TPD52L1: variants seen among roughly 807,000 people sequenced by gnomAD.
TPD52L1 encodes tumor protein D53.
In TPD52L1, 18 loss-of-function variants were observed where a neutral mutation model predicts 28.7. The ratio of observed to expected loss-of-function variants is 0.63; its 90% CI spans 0.43 to 0.93. The LOEUF is 0.93. Ranked by LOEUF, TPD52L1 falls within the 40% of genes least tolerant of loss-of-function variation. TPD52L1 has a pLI of 0.00. For synonymous variants in TPD52L1, 75 were observed against 88.8 expected (o/e 0.84, Z 0.88); for missense variants, 203 against 254.8 (o/e 0.80, Z 1.39).
At chr6:125,238,504 C>G (rs755806828) in intron 3 of TPD52L1, among the ~76,000 whole-genome samples, 5 of 151,846 alleles carry the variant, frequency 3.3e-5, no homozygotes, top group African/African-American at 1.2e-4. Context: ...TCCCTCACCC[C>G]CCTCGAACCC....
At chr6:125,252,670 G>A (rs1188378405) in intron 4 of TPD52L1, 2 of 152,088 alleles carry the variant, frequency 1.3e-5, no homozygotes, top group Non-Finnish European at 2.9e-5. Context: ...TATTTACAGA[G>A]ATACACCAAT....
chr6:125,260,833 A>G (rs1272405601), intron 6 of TPD52L1, among the ~76,000 whole-genome samples: 4 of 117,124 alleles, frequency 3.4e-5, no homozygotes, highest in African/African-American at 1.0e-4. Context: ...AGAAAGGAAG[A>G]AAGGAAGAGA....
intron 1 of TPD52L1, among the ~76,000 whole-genome samples, chr6:125,178,658 A>AAT (rs766185303): frequency 0.019 from 2,807 of 147,974 alleles, 34 homozygotes; most frequent in Non-Finnish European, 0.029. Context: ...AACAAAACAA[A>AAT]ATATATATAT....
intron 4 of TPD52L1, chr6:125,252,180 T>C: frequency 2.3e-6 from 2 of 853,986 alleles, no homozygotes; most frequent in Middle Eastern, 2.2e-4. Context: ...ACCAGGAAGA[T>C]AGTTTATAGG....
intron 2 of TPD52L1, among the ~76,000 whole-genome samples, chr6:125,225,948 C>A (rs942979603): frequency 2.6e-5 from 4 of 152,112 alleles, no homozygotes; most frequent in African/African-American, 7.2e-5. Context: ...GATAACTAGA[C>A]CAAACGATCG....
intron 1 of TPD52L1, among the ~76,000 whole-genome samples, chr6:125,209,968 TA>T (rs1022532366): frequency 7.2e-5 from 11 of 152,324 alleles, no homozygotes; most frequent in African/African-American, 2.4e-4. Context: ...AGAGAGTTCA[TA>T]ATGATCTCTC....
At chr6:125,229,301 G>T (rs1451653307) in intron 3 of TPD52L1, 35 bp downstream of exon 3, 1 of 1,571,330 alleles carries the variant, frequency 6.4e-7, no homozygotes, top group Non-Finnish European at 8.6e-7. Flanking sequence ...TATTAACTCA[G>T]CCTGATGTCT....
intron 6 of TPD52L1, chr6:125,260,940 GAAA>G (rs1562408776): frequency 2.1e-5 from 1 of 48,398 alleles, no homozygotes; most frequent in African/African-American, 2.0e-4. Flanking sequence ...AAGAAAGAAA[GAAA>G]GAAAGAAAGA....
intron 1 of TPD52L1, among the ~76,000 whole-genome samples, chr6:125,169,250 C>A (rs764520953): frequency 2.6e-5 from 4 of 151,880 alleles, no homozygotes; most frequent in African/African-American, 9.7e-5. Context: ...CCGTCCTTGG[C>A]CTGCTTCTTC....
At chr6:125,213,393 T>C (rs1794646438) in intron 1 of TPD52L1, among the ~76,000 whole-genome samples, 1 of 152,090 alleles carries the variant, frequency 6.6e-6, no homozygotes, top group Non-Finnish European at 1.5e-5. Context: ...GCTCTTCAGG[T>C]AGCTGGGAAC....
At chr6:125,255,479 G>A (rs186726983) in intron 5 of TPD52L1, among the ~76,000 whole-genome samples, 43 of 152,272 alleles carry the variant, frequency 2.8e-4, no homozygotes, top group Admixed American at 2.4e-3. Flanking sequence ...TGTTTGAGTC[G>A]TACACAAAAT....
chr6:125,260,994 GAAAGAAAGAAAGAAAGAAAGAAAGA>G (rs1562411116), intron 6 of TPD52L1: 592 of 43,324 alleles, frequency 0.014, 45 homozygotes, highest in African/African-American at 0.064. Context: ...AAGAAAGAAA[GAAAGAAAGAAAGAAAGAAAGAAAGA>G]AAAGAAAAGA....
chr6:125,216,531 A>ATG (rs1340745446), intron 1 of TPD52L1, among the ~76,000 whole-genome samples: 15 of 9,588 alleles, frequency 1.6e-3, no homozygotes, highest in African/African-American at 2.6e-3. Context: ...ATGTGTGTGT[A>ATG]TATATATATA....
chr6:125,248,434 T>C (rs749257867), intron 4 of TPD52L1, 51 bp downstream of exon 4: 8 of 1,390,184 alleles, frequency 5.8e-6, no homozygotes, highest in Middle Eastern at 1.8e-4. Flanking sequence ...GGCTTTCCGA[T>C]TGAAGGGAGC....
chr6:125,216,059 G>A (rs968322241), intron 1 of TPD52L1, among the ~76,000 whole-genome samples: 2 of 152,148 alleles, frequency 1.3e-5, no homozygotes, highest in African/African-American at 4.8e-5. Flanking sequence ...CTTACTTTCT[G>A]GGTCTATCTC....
chr6:125,174,720 T>G (rs1031440568), intron 1 of TPD52L1, among the ~76,000 whole-genome samples: 14 of 152,192 alleles, frequency 9.2e-5, no homozygotes, highest in Non-Finnish European at 1.8e-4. Flanking sequence ...AATAACTTAG[T>G]AGAGCATTGG....
intron 1 of TPD52L1, among the ~76,000 whole-genome samples, chr6:125,182,167 T>C (rs186244127): frequency 6.6e-6 from 1 of 152,322 alleles, no homozygotes; most frequent in East Asian, 1.9e-4. Context: ...TAAAAGCTAA[T>C]ATTTATAAAC....
At chr6:125,233,174 G>A (rs1452903389) in intron 3 of TPD52L1, among the ~76,000 whole-genome samples, 1 of 152,114 alleles carries the variant, frequency 6.6e-6, no homozygotes, top group Non-Finnish European at 1.5e-5. Flanking sequence ...GTCGACAGAG[G>A]GCAGAGGTTT....
intron 1 of TPD52L1, among the ~76,000 whole-genome samples, chr6:125,205,200 T>C (rs569258202): frequency 6.6e-6 from 1 of 152,348 alleles, no homozygotes; most frequent in Admixed American, 6.5e-5. Flanking sequence ...ATACAATTTC[T>C]GGACCTAAGA....
Sources: gnomAD v4.1 joint callset for allele counts (sites outside exome capture counted in the v4.1 genomes callset) on GRCh38, gnomAD v4.1.1 for gene constraint, MANE v1.5 for transcripts, NCBI Gene and HGNC (gene_info 2026-07-23, HGNC 2026-07-21) for gene names.